Variants in NRG1 observed in about 807,000 individuals in gnomAD.
NRG1 encodes neuregulin 1.
Under a neutral mutation model 63.8 loss-of-function variants are expected in NRG1, and 18 were observed. The ratio of observed to expected loss-of-function variants is 0.28; its 90% CI spans 0.19 to 0.42. NRG1 has a LOEUF of 0.42. NRG1 is among the 10% of genes least tolerant of loss of function. The pLI is 1.00. For missense variants in NRG1, 762 were observed against 814.7 expected (o/e 0.94, Z 0.79); for synonymous variants, 302 against 301.3 (o/e 1.00, Z -0.02).
chr8:32,186,710 G>C (rs1333718963), intron 1 of NRG1, among the ~76,000 whole-genome samples: 2 of 152,160 alleles, frequency 1.3e-5, no homozygotes, highest in Non-Finnish European at 2.9e-5. Context: ...GTTTTAACAA[G>C]ATCTCTTGGA....
At chr8:32,343,807 G>A (rs1201661631) in intron 1 of NRG1, among the ~76,000 whole-genome samples, 2 of 152,186 alleles carry the variant, frequency 1.3e-5, no homozygotes, top group Non-Finnish European at 2.9e-5. Flanking sequence ...TTGTTGAAAA[G>A]TTTAAGTCTT....
At chr8:32,269,181 AT>A (rs1851296114) in intron 1 of NRG1, among the ~76,000 whole-genome samples, 2 of 152,136 alleles carry the variant, frequency 1.3e-5, no homozygotes, top group South Asian at 4.2e-4. Flanking sequence ...ATTTTTAGAT[AT>A]CTTGTGAAAT....
At chr8:32,498,083 A>T (rs1330463049) in intron 1 of NRG1, among the ~76,000 whole-genome samples, 1 of 152,212 alleles carries the variant, frequency 6.6e-6, no homozygotes. Context: ...TCGGCCTCCC[A>T]AAGTACTGGG....
chr8:32,744,868 C>T (rs373023631), intron 7 of NRG1, among the ~76,000 whole-genome samples: 1 of 152,126 alleles, frequency 6.6e-6, no homozygotes, highest in Non-Finnish European at 1.5e-5. Flanking sequence ...AAAATAACCA[C>T]TATGTTTTTG....
chr8:31,845,750 T>G (rs575590869), intron 1 of NRG1, among the ~76,000 whole-genome samples: 1 of 152,338 alleles, frequency 6.6e-6, no homozygotes, highest in South Asian at 2.1e-4. Flanking sequence ...ACACATTTTC[T>G]TACTGAAGCT....
chr8:31,725,176 C>G (rs1181500001), intron 1 of NRG1, among the ~76,000 whole-genome samples: 1 of 152,184 alleles, frequency 6.6e-6, no homozygotes, highest in African/African-American at 2.4e-5. Flanking sequence ...ATTCACTAGC[C>G]TTTCTCCAGG....
intron 1 of NRG1, among the ~76,000 whole-genome samples, chr8:31,852,816 C>T (rs1827392052): frequency 6.6e-6 from 1 of 152,136 alleles, no homozygotes; most frequent in Admixed American, 6.5e-5. Flanking sequence ...CCAGTTTCAG[C>T]TTTCTACATA....
intron 1 of NRG1, among the ~76,000 whole-genome samples, chr8:32,037,829 T>C (rs1819319243): frequency 6.6e-6 from 1 of 151,968 alleles, no homozygotes; most frequent in African/African-American, 2.4e-5. Flanking sequence ...AGCCACCCCT[T>C]CCCCCACCGA....
chr8:32,074,905 T>A (rs987784626), intron 1 of NRG1, among the ~76,000 whole-genome samples: 3 of 152,248 alleles, frequency 2.0e-5, no homozygotes, highest in East Asian at 1.9e-4. Flanking sequence ...TAAAAATAGA[T>A]TTGAAAGGTA....
intron 1 of NRG1, among the ~76,000 whole-genome samples, chr8:31,843,259 T>G (rs1483330805): frequency 6.6e-6 from 1 of 152,200 alleles, no homozygotes; most frequent in Non-Finnish European, 1.5e-5. Flanking sequence ...TATGTTGTAG[T>G]GGCTGGAAGG....
At chr8:32,360,084 T>C (rs1366179729) in intron 1 of NRG1, among the ~76,000 whole-genome samples, 1 of 152,228 alleles carries the variant, frequency 6.6e-6, no homozygotes, top group Non-Finnish European at 1.5e-5. Context: ...AGAATAAACA[T>C]GATAATTTCG....
At chr8:31,729,692 T>A (rs886719390) in intron 1 of NRG1, among the ~76,000 whole-genome samples, 6 of 152,100 alleles carry the variant, frequency 3.9e-5, no homozygotes, top group Non-Finnish European at 8.8e-5. Flanking sequence ...TTTATCAGAA[T>A]ACATACTATG....
chr8:31,958,766 C>T (rs899458164), intron 1 of NRG1, among the ~76,000 whole-genome samples: 1 of 152,122 alleles, frequency 6.6e-6, no homozygotes, highest in Admixed American at 6.5e-5. Flanking sequence ...TAAGTTTTTC[C>T]TATGTGTGTA....
intron 11 of NRG1, chr8:32,761,008 G>C: frequency 4.1e-6 from 4 of 985,658 alleles, no homozygotes; most frequent in Non-Finnish European, 4.8e-6. Flanking sequence ...AGTCTTCACG[G>C]GTGGTTTTCA....
Position 32,538,630 on chromosome 8 carries a change from T to C in NRG1, c.38-57198T>C, listed in dbSNP as rs556198800. On this transcript the variant is annotated intron_variant, in intron 1 of 10. Transcript: ENST00000519301. ...CTGCAGAGCTTGGAAAAGTTACAGTTGCTTTGTTAAAGTATATTGAGTTGG... is the reference window on the plus strand; with the variant it reads ...CTGCAGAGCTTGGAAAAGTTACAGTCGCTTTGTTAAAGTATATTGAGTTGG... Among the ~76,000 whole-genome samples the C allele has an allele frequency of 2.6e-5, 4 of 152,336 alleles. No individual in the cohort carries two copies. The East Asian group carries it at 7.7e-4, about 29-fold the overall frequency.
At chr8:31,737,501 AAATG>A (rs1814806757) in intron 1 of NRG1, among the ~76,000 whole-genome samples, 1 of 152,146 alleles carries the variant, frequency 6.6e-6, no homozygotes, top group African/African-American at 2.4e-5. Flanking sequence ...TTGAACAGAT[AAATG>A]AATGAATGAA....
intron 1 of NRG1, among the ~76,000 whole-genome samples, chr8:32,062,758 G>A (rs1342743826): frequency 1.3e-5 from 2 of 151,972 alleles, no homozygotes; most frequent in Non-Finnish European, 1.5e-5. Flanking sequence ...TTCTCATTCT[G>A]TCTTTATGCT....
At chr8:32,034,501 T>C (rs1236119246) in intron 1 of NRG1, among the ~76,000 whole-genome samples, 1 of 152,182 alleles carries the variant, frequency 6.6e-6, no homozygotes, top group African/African-American at 2.4e-5. Context: ...TTCAATTGTT[T>C]GGAATAGTTT....
chr8:32,192,829 T>C (rs1354905656), intron 1 of NRG1, among the ~76,000 whole-genome samples: 1 of 152,102 alleles, frequency 6.6e-6, no homozygotes, highest in Non-Finnish European at 1.5e-5. Context: ...CCCTGAATTG[T>C]AGTCACCTAC....
Sources: allele counts gnomAD v4.1 joint callset (sites outside exome capture counted in the v4.1 genomes callset), GRCh38; gene constraint gnomAD v4.1.1; transcripts MANE v1.5; gene names NCBI Gene and HGNC (gene_info 2026-07-23, HGNC 2026-07-21).